Variants in PLIN2 observed in about 807,000 individuals in gnomAD.
The protein encoded by PLIN2 is perilipin-2.
PLIN2 carries 33 observed loss-of-function variants against 30.6 expected under a neutral mutation model. The ratio of observed to expected loss-of-function variants is 1.08; its 90% CI spans 0.82 to 1.44. The LOEUF is 1.44. Among genes scored for constraint, PLIN2 ranks in the 40% most tolerant of loss-of-function variants. PLIN2 has a pLI of 0.00. For missense variants in PLIN2, 610 were observed against 531.8 expected, an observed-to-expected ratio of 1.15 and a Z score of -1.45; for synonymous variants, 205 against 201.1, an observed-to-expected ratio of 1.02 and a Z score of -0.16.
intron 3 of PLIN2, among the ~76,000 whole-genome samples, chr9:19,124,930 ATTAAC>A (rs1818372786): frequency 6.6e-6 from 1 of 152,236 alleles, no homozygotes; most frequent in African/African-American, 2.4e-5. Flanking sequence ...GACAAGACAG[ATTAAC>A]TTTGAAAACA....
rs145065727 is a variant in PLIN2 at position 19,110,084 on chromosome 9, C to T, written n.418-1337G>A. ...TCTCCCCCAGGTTGGAGTGCAGTGG[C>T]GTAATCTCAGCTGTCTGCAACCTCA... On this transcript the variant is annotated intron_variant and non_coding_transcript_variant, in intron 2 of 2. Coordinates refer to the PLIN2 transcript ENST00000464326. Among the ~76,000 whole-genome samples, 629 of 151,334 alleles carry T rather than the reference C, an allele frequency of 4.2e-3. 4 individuals carry two copies. Among genetic ancestry groups the T allele is most frequent in the Non-Finnish European group, 6.8e-3 (463 of 67,762 alleles).
intron 3 of PLIN2, among the ~76,000 whole-genome samples, chr9:19,124,527 T>C (rs180959001): frequency 2.7e-4 from 41 of 152,284 alleles, no homozygotes; most frequent in Admixed American, 1.3e-4. Flanking sequence ...AAAGGCTCCT[T>C]ATAATCCTAA....
chr9:19,120,273 A>G (rs1818294274), intron 5 of PLIN2, among the ~76,000 whole-genome samples: 1 of 151,350 alleles, frequency 6.6e-6, no homozygotes, highest in South Asian at 2.1e-4. Flanking sequence ...CTAATCTCAA[A>G]CTCCTGAACT....
chr9:19,124,819 C>T (rs72561714), intron 3 of PLIN2, among the ~76,000 whole-genome samples: 3 of 152,228 alleles, frequency 2.0e-5, no homozygotes, highest in Admixed American at 6.5e-5. Flanking sequence ...AAAAGTAGAA[C>T]GAACCCAAAC....
At chr9:19,113,734 C>T (rs1818185396), downstream of PLIN2, among the ~76,000 whole-genome samples, 1 of 151,048 alleles carries the variant, frequency 6.6e-6, no homozygotes, top group Admixed American at 6.6e-5. Context: ...CAGCCATGCC[C>T]AGCTAATTTT....
chr9:19,110,640 T>A (rs564352160), intron 2 of PLIN2, among the ~76,000 whole-genome samples: 2 of 151,972 alleles, frequency 1.3e-5, no homozygotes, highest in South Asian at 4.2e-4. Context: ...CACACCCGGC[T>A]AATTTTTGTA....
At chr9:19,117,951 C>T (rs1422846708) in intron 7 of PLIN2, among the ~76,000 whole-genome samples, 1 of 152,152 alleles carries the variant, frequency 6.6e-6, no homozygotes, top group Non-Finnish European at 1.5e-5. Context: ...AAACAACAAC[C>T]GGACTTGGCT....
chr9:19,116,931 A>ATAT (rs1242195624), intron 7 of PLIN2, among the ~76,000 whole-genome samples: 2 of 152,186 alleles, frequency 1.3e-5, no homozygotes, highest in Non-Finnish European at 2.9e-5. Context: ...CTGAAGAAAC[A>ATAT]TATTAGGTAG....
rs774004127 is a variant in PLIN2 at position 19,116,256 on chromosome 9, T to A, written c.1306A>T (p.Thr436Ser). ...TAGTGATAGGGGCAGGTTTAATGAG[T>A]TTTATGCTCAGATCGCTGGGTCTCC... ...SQETQRSEHK[T>S]H The change falls in exon 8 of 8, where the codon ACT (threonine) becomes TCT (serine). Residue 436 changes from threonine (T) to serine (S), a missense_variant. By Grantham distance (58) the Thr-to-Ser change is moderately conservative. Transcript: ENST00000276914. 10 of 1,588,592 alleles carry A rather than the reference T, an allele frequency of 6.3e-6. No homozygotes were observed. Among genetic ancestry groups the A allele is most frequent in the Middle Eastern group, 2.1e-4 (1 of 4,666 alleles).
At chr9:19,119,188 G>A (rs10963970) in intron 6 of PLIN2, among the ~76,000 whole-genome samples, 24,298 of 152,208 alleles carry the variant, frequency 0.16, 3,040 homozygotes, top group African/African-American at 0.34. Flanking sequence ...GTAGTCTATT[G>A]TGATATATCA....
chr9:19,118,050 C>A (rs1325229295), intron 7 of PLIN2, among the ~76,000 whole-genome samples: 1 of 152,214 alleles, frequency 6.6e-6, no homozygotes, highest in African/African-American at 2.4e-5. Context: ...GCTGTATCCC[C>A]TGTTAGTCTG....
intron 3 of PLIN2, 144 bp from the exon 4 acceptor site, chr9:19,123,791 C>G: frequency 3.2e-6 from 2 of 629,900 alleles, no homozygotes; most frequent in Non-Finnish European, 5.4e-6. Flanking sequence ...GAGGCTGAGG[C>G]AGGCGGATCA....
At position 19,123,654 on chromosome 9, in the gene PLIN2, T is replaced by G. The variant is rs367817372; in HGVS notation, c.227-7A>C. The G allele has an allele frequency of 2.2e-5, 35 of 1,608,932 alleles. No homozygotes were observed. The highest frequency in any genetic ancestry group is 3.3e-4 in the Middle Eastern group (2 of 6,042). The stretch of plus-strand genomic sequence containing the variant: ...TAGGTATTGGCAACTGCAACTAGAA[T>G]CACAAATGGGAAAATGTTAATGTAG... On this transcript the variant is annotated splice_region_variant and splice_polypyrimidine_tract_variant and intron_variant, in intron 3 of 7. Coordinates refer to ENST00000276914, the MANE Select transcript of PLIN2 (RefSeq NM_001122.4).
chr9:19,118,194 T>C, intron 7 of PLIN2, 127 bp downstream of exon 7: 2 of 909,310 alleles, frequency 2.2e-6, no homozygotes, highest in African/African-American at 1.7e-5. Context: ...TAGCCACCTA[T>C]GTACATGGTA....
At chr9:19,113,263 G>C (rs1818180170), downstream of PLIN2, among the ~76,000 whole-genome samples, 3 of 152,028 alleles carry the variant, frequency 2.0e-5, no homozygotes, top group Admixed American at 1.3e-4. Context: ...GAACCTGGGA[G>C]GCGGAGGTTG....
Position 19,126,253 on chromosome 9 carries a change from CAT to C in PLIN2, c.85_86del (p.Met29ValfsTer19). The C allele has an allele frequency of 6.2e-7, 1 of 1,614,142 alleles. No homozygotes were observed. On this transcript the variant is annotated frameshift_variant, in exon 3 of 8. Transcript: ENST00000276914. LOFTEE classifies it high-confidence loss of function. ...CCTTTGTACTGAGATAGGCTGAGGA[CAT>C]GAGGTCATACGTGGAGCTCACCAAG... ...LPLVSSTYDL[M>X]SSAYLSTKDQ...
chr9:19,123,719 TA>T, intron 3 of PLIN2, 72 bp from the exon 4 acceptor site: 1 of 1,354,462 alleles, frequency 7.4e-7, no homozygotes. Flanking sequence ...CCATAGGCCT[TA>T]TAAAAAATGG....
downstream of PLIN2, among the ~76,000 whole-genome samples, chr9:19,112,520 G>A (rs1303242149): frequency 6.6e-6 from 1 of 151,768 alleles, no homozygotes; most frequent in Non-Finnish European, 1.5e-5. Context: ...ACCAGCCTGG[G>A]CAACATGGTG....
chr9:19,122,983 C>G (rs1365329999), intron 4 of PLIN2, among the ~76,000 whole-genome samples: 1 of 152,150 alleles, frequency 6.6e-6, no homozygotes, highest in African/African-American at 2.4e-5. Flanking sequence ...ATGTGCATTT[C>G]TCAAAATATA....
Sources: gnomAD v4.1 joint callset for allele counts (sites outside exome capture counted in the v4.1 genomes callset) on GRCh38, gnomAD v4.1.1 for gene constraint, MANE v1.5 for transcripts, NCBI Gene and HGNC (gene_info 2026-07-23, HGNC 2026-07-21) for gene names.